CSMD3: variants seen among roughly 807,000 people sequenced by gnomAD.
CSMD3 encodes CUB and sushi domain-containing protein 3.
A neutral mutation model predicts 435.2 loss-of-function variants in CSMD3; 177 were observed. That is an observed-to-expected ratio of 0.41 (90% CI 0.36 to 0.46). The LOEUF (loss-of-function observed/expected upper bound fraction) is 0.46, where lower values mean the gene tolerates loss of function less well. CSMD3 is among the 20% of genes least tolerant of loss of function. CSMD3 has a pLI of 0.34. For synonymous variants in CSMD3, 1,656 were observed against 1,520.5 expected (o/e 1.09, Z -2.07); for missense variants, 4,265 against 4,504.6 (o/e 0.95, Z 1.52).
intron 24 of CSMD3, among the ~76,000 whole-genome samples, chr8:112,564,323 C>A (rs148853842): frequency 1.4e-3 from 204 of 151,052 alleles, no homozygotes; most frequent in Admixed American, 4.3e-3. Flanking sequence ...TCCTTCTTCC[C>A]TTCCTTCTCC....
chr8:112,541,988 T>C (rs1182798136), intron 27 of CSMD3, among the ~76,000 whole-genome samples: 6 of 151,920 alleles, frequency 3.9e-5, no homozygotes, highest in Admixed American at 1.3e-4. Flanking sequence ...TAGTTCAATA[T>C]ACAAAAATCA....
chr8:112,445,343 T>C (rs1281929353), intron 32 of CSMD3, among the ~76,000 whole-genome samples: 1 of 152,106 alleles, frequency 6.6e-6, no homozygotes, highest in Non-Finnish European at 1.5e-5. Context: ...GCTGGGTCAT[T>C]TATAAAGAAA....
chr8:112,675,536 TAAAAAGGACAA>T (rs1243553476), intron 16 of CSMD3, among the ~76,000 whole-genome samples: 1 of 151,654 alleles, frequency 6.6e-6, no homozygotes, highest in Non-Finnish European at 1.5e-5. Context: ...CAGAGTGAGG[TAAAAAGGACAA>T]GAGAAGCAGA....
At chr8:112,390,129 C>T (rs888568059) in intron 36 of CSMD3, among the ~76,000 whole-genome samples, 4 of 152,130 alleles carry the variant, frequency 2.6e-5, no homozygotes, top group South Asian at 2.1e-4. Context: ...AGGTTTGGAA[C>T]GGATATGATT....
At chr8:112,298,328 A>C (rs1249546332) in intron 53 of CSMD3, among the ~76,000 whole-genome samples, 1 of 152,090 alleles carries the variant, frequency 6.6e-6, no homozygotes, top group Non-Finnish European at 1.5e-5. Context: ...ATTATTATGA[A>C]GTTTTTTCAA....
At chr8:112,939,234 A>G (rs1259660495) in intron 9 of CSMD3, among the ~76,000 whole-genome samples, 1 of 152,172 alleles carries the variant, frequency 6.6e-6, no homozygotes, top group Non-Finnish European at 1.5e-5. Flanking sequence ...ACTGAAGATT[A>G]CTAATGAATG....
intron 16 of CSMD3, among the ~76,000 whole-genome samples, chr8:112,680,268 G>A (rs1354648198): frequency 6.6e-6 from 1 of 152,166 alleles, no homozygotes; most frequent in Admixed American, 6.5e-5. Context: ...TGAGGCACAA[G>A]AATCTCTTGA....
At chr8:113,315,997 G>A (rs948823357) in intron 1 of CSMD3, among the ~76,000 whole-genome samples, 2 of 152,062 alleles carry the variant, frequency 1.3e-5, no homozygotes, top group Admixed American at 1.3e-4. Context: ...GAGATTACAG[G>A]CGTGAGCCAC....
At chr8:112,335,933 G>C (rs1010742101) in intron 44 of CSMD3, among the ~76,000 whole-genome samples, 2 of 151,902 alleles carry the variant, frequency 1.3e-5, no homozygotes, top group African/African-American at 4.8e-5. Flanking sequence ...TTTATTTAGA[G>C]CCAGGGCCTC....
intron 60 of CSMD3, among the ~76,000 whole-genome samples, 198 bp downstream of exon 60, chr8:112,265,210 TATA>T (rs1234296127): frequency 1.3e-5 from 2 of 152,104 alleles, no homozygotes; most frequent in African/African-American, 4.8e-5. Context: ...CACAATAAGA[TATA>T]ATGTTTTTGT....
At chr8:113,333,555 T>C (rs2132788838) in intron 1 of CSMD3, among the ~76,000 whole-genome samples, 1 of 151,798 alleles carries the variant, frequency 6.6e-6, no homozygotes, top group East Asian at 1.9e-4. Flanking sequence ...ATGAAATGCT[T>C]TTATACCTTT....
At chr8:112,786,370 T>G (rs1029186313) in intron 13 of CSMD3, among the ~76,000 whole-genome samples, 1 of 152,030 alleles carries the variant, frequency 6.6e-6, no homozygotes, top group Non-Finnish European at 1.5e-5. Flanking sequence ...GGCAAACATT[T>G]CTTATTTATT....
chr8:112,370,062 A>C (rs1289456423), intron 38 of CSMD3, among the ~76,000 whole-genome samples: 1 of 149,860 alleles, frequency 6.7e-6, no homozygotes, highest in Admixed American at 6.7e-5. Context: ...AAGAAGAAGA[A>C]GAAGAAGAAG....
chr8:112,820,641 AT>A (rs112907451), intron 12 of CSMD3, among the ~76,000 whole-genome samples: 1,789 of 142,430 alleles, frequency 0.013, 13 homozygotes, highest in African/African-American at 0.028. Context: ...TGAGGCCTTA[AT>A]TTTTTTTTTT....
chr8:112,953,301 A>AT (rs1371896668), intron 8 of CSMD3, among the ~76,000 whole-genome samples: 2 of 151,446 alleles, frequency 1.3e-5, no homozygotes, highest in East Asian at 1.9e-4. Flanking sequence ...TCACCTGGTG[A>AT]TTTTTTAAAT....
chr8:112,636,671 A>T, intron 22 of CSMD3, 146 bp downstream of exon 22: 1 of 725,894 alleles, frequency 1.4e-6, no homozygotes, highest in Non-Finnish European at 2.4e-6. Context: ...CAGTTACACC[A>T]GATTGCCAAA....
intron 10 of CSMD3, among the ~76,000 whole-genome samples, chr8:112,900,290 T>C (rs2082076876): frequency 1.3e-5 from 2 of 151,306 alleles, no homozygotes; most frequent in African/African-American, 2.4e-5. Context: ...GACTAGTTTT[T>C]CAAGAATGTT....
At chr8:113,338,803 G>A (rs916787406) in intron 1 of CSMD3, among the ~76,000 whole-genome samples, 3 of 151,896 alleles carry the variant, frequency 2.0e-5, no homozygotes, top group African/African-American at 4.8e-5. Context: ...AGATCATATT[G>A]ATGCTTGCAC....
chr8:112,633,285 G>A (rs955656817), intron 22 of CSMD3, among the ~76,000 whole-genome samples: 1 of 141,166 alleles, frequency 7.1e-6, no homozygotes, highest in Admixed American at 7.2e-5. Flanking sequence ...TATAATGCAG[G>A]CCAGATTTCC....
Sources: allele counts gnomAD v4.1 joint callset (sites outside exome capture counted in the v4.1 genomes callset), GRCh38; gene constraint gnomAD v4.1.1; transcripts MANE v1.5; gene names NCBI Gene and HGNC (gene_info 2026-07-23, HGNC 2026-07-21).